Variants in ATP6V1C1 observed in about 807,000 individuals in gnomAD.
ATP6V1C1 encodes the protein ATPase H+ transporting V1 subunit C1.
A neutral mutation model predicts 53.9 loss-of-function variants in ATP6V1C1; 45 were observed. The observed-to-expected ratio is 0.83, with a 90% CI of 0.66 to 1.07. ATP6V1C1 has a LOEUF of 1.07. Ranked by LOEUF, ATP6V1C1 falls within the 50% of genes least tolerant of loss-of-function variation. The pLI is 0.00. For missense variants in ATP6V1C1, 315 were observed against 440.3 expected (o/e 0.72, Z 2.55); for synonymous variants, 153 against 155.2 (o/e 0.99, Z 0.11).
rs1414255672 is a variant in ATP6V1C1 at position 103,070,618 on chromosome 8, T to C, written c.*1871T>C. The C allele has an allele frequency of 6.6e-6, 1 of 152,264 alleles. No homozygotes were observed. Among genetic ancestry groups the C allele is most frequent in the African/African-American group, 2.4e-5 (1 of 41,468 alleles). The allele number at this position is 152,264 out of a possible 1,614,324, so 9.4% of individuals were successfully genotyped here. ...TTGACTTTTAAGAAAAACATGTCAC[T>C]AACCTGAAGCTCAGCCACACAGTGA... is the stretch of plus-strand genomic sequence containing the variant. On this transcript the variant is annotated 3_prime_UTR_variant, in exon 13 of 13. Transcript: ENST00000518738.
chr8:103,023,909 G>GTA (rs1200202141), intron 1 of ATP6V1C1, among the ~76,000 whole-genome samples: 1 of 151,560 alleles, frequency 6.6e-6, no homozygotes, highest in Non-Finnish European at 1.5e-5. Context: ...TTTTTTTGGG[G>GTA]GGGGGGAACT....
rs758705345 is a variant in ATP6V1C1 at position 103,040,927 on chromosome 8, A to G, written c.91A>G (p.Asn31Asp). 1.2e-5 allele frequency: 20 copies of G among 1,614,130 alleles called. No individual in the cohort carries two copies. Among genetic ancestry groups the G allele is most frequent in the Non-Finnish European group, 1.7e-5 (20 of 1,179,984 alleles). ...KLHAATSKNN[N>D]LAVTSKFNIP... is the part of the protein sequence containing the mutation. ...GCATGCGGCAACTTCAAAGAACAAT[A>G]ATCTTGCTGTCACTTCCAAGTTCAA... The change falls in exon 2 of 13, where the codon AAT becomes GAT. Residue 31 changes from asparagine (N) to aspartate (D), a missense_variant. Asn to Asp is a conservative substitution (Grantham distance 23). Transcript: ENST00000518738.
intron 3 of ATP6V1C1, among the ~76,000 whole-genome samples, chr8:103,043,815 A>G (rs1817045704): frequency 6.6e-6 from 1 of 152,198 alleles, no homozygotes; most frequent in Non-Finnish European, 1.5e-5. Context: ...TTCTTTATAC[A>G]GAATATGCAA....
At chr8:103,025,127 G>A (rs770053827) in intron 1 of ATP6V1C1, among the ~76,000 whole-genome samples, 22 of 152,084 alleles carry the variant, frequency 1.4e-4, no homozygotes, top group Non-Finnish European at 2.9e-4. Flanking sequence ...GAAAGGGATC[G>A]ATGGATCTTC....
chr8:103,056,201 G>C (rs1817286325), intron 8 of ATP6V1C1, among the ~76,000 whole-genome samples: 2 of 152,276 alleles, frequency 1.3e-5, no homozygotes, highest in Non-Finnish European at 1.5e-5. Context: ...TTGTGGCAGG[G>C]CTAGAACTAG....
intron 1 of ATP6V1C1, among the ~76,000 whole-genome samples, chr8:103,036,961 C>T (rs958599164): frequency 4.6e-5 from 7 of 152,136 alleles, no homozygotes; most frequent in African/African-American, 1.7e-4. Flanking sequence ...TCAATTTTTC[C>T]AGAAACCACG....
intron 3 of ATP6V1C1, among the ~76,000 whole-genome samples, chr8:103,046,901 G>A (rs901024811): frequency 2.6e-5 from 4 of 152,060 alleles, no homozygotes; most frequent in African/African-American, 9.7e-5. Context: ...TGAAGTTCTG[G>A]GTTATGCAAC....
At position 103,069,613 on chromosome 8, in the gene ATP6V1C1, T is replaced by G. The variant is rs1817551797; in HGVS notation, c.*866T>G. 1 of 151,212 alleles carries G rather than the reference T, an allele frequency of 6.6e-6. No homozygotes were observed. Among genetic ancestry groups the G allele is most frequent in the Admixed American group, 6.6e-5 (1 of 15,244 alleles). 9.4% of individuals were successfully genotyped at this position (151,212 alleles called of 1,614,324 possible). On this transcript the variant is annotated 3_prime_UTR_variant, in exon 13 of 13. Coordinates refer to ENST00000518738, the MANE Select transcript of ATP6V1C1 (RefSeq NM_001695.5). Reference sequence around the variant, plus strand: ...CTAAGTCTGTATTTTATGTGTTGTCTTCTTAAGATCTATAATTTTGGCATT... The same window carrying G: ...CTAAGTCTGTATTTTATGTGTTGTCGTCTTAAGATCTATAATTTTGGCATT...
intron 8 of ATP6V1C1, among the ~76,000 whole-genome samples, chr8:103,061,648 G>GT (rs1817400155): frequency 6.6e-6 from 1 of 152,140 alleles, no homozygotes; most frequent in East Asian, 1.9e-4. Context: ...GGGTATATGC[G>GT]TATGTCCACA....
At chr8:103,064,904 A>G (rs1586329131) in intron 11 of ATP6V1C1, 93 bp downstream of exon 11, 1 of 1,130,150 alleles carries the variant, frequency 8.8e-7, no homozygotes, top group South Asian at 1.7e-5. Context: ...GCAATAGGAA[A>G]TTGATTTGGA....
chr8:103,024,230 A>G (rs1166168457), intron 1 of ATP6V1C1, among the ~76,000 whole-genome samples: 2 of 152,210 alleles, frequency 1.3e-5, no homozygotes, highest in African/African-American at 2.4e-5. Context: ...AACAGTACTC[A>G]GGATCTAACT....
chr8:103,046,260 G>A (rs1268529791), intron 3 of ATP6V1C1, among the ~76,000 whole-genome samples: 1 of 151,888 alleles, frequency 6.6e-6, no homozygotes, highest in Non-Finnish European at 1.5e-5. Context: ...AGGCTAGAGT[G>A]CAGTGGTGCA....
intron 5 of ATP6V1C1, among the ~76,000 whole-genome samples, chr8:103,052,162 G>A (rs566428244): frequency 6.6e-6 from 1 of 152,066 alleles, no homozygotes; most frequent in Admixed American, 6.5e-5. Flanking sequence ...ACTTACCCTC[G>A]TGCTACACAG....
At chr8:103,036,687 T>G (rs1039587168) in intron 1 of ATP6V1C1, among the ~76,000 whole-genome samples, 5 of 152,196 alleles carry the variant, frequency 3.3e-5, no homozygotes, top group Non-Finnish European at 5.9e-5. Flanking sequence ...GGGTCCTCTT[T>G]CCTATTCCTT....
At chr8:103,026,020 G>A (rs1816688304) in intron 1 of ATP6V1C1, among the ~76,000 whole-genome samples, 1 of 152,254 alleles carries the variant, frequency 6.6e-6, no homozygotes, top group Admixed American at 6.5e-5. Flanking sequence ...TGGGAGCCAT[G>A]AGTGTAGATT....
At chr8:103,037,935 A>C (rs1004391189) in intron 1 of ATP6V1C1, among the ~76,000 whole-genome samples, 8 of 152,200 alleles carry the variant, frequency 5.3e-5, no homozygotes, top group Admixed American at 3.9e-4. Flanking sequence ...AGTTGTGGAA[A>C]TAGAAACTCT....
At chr8:103,032,964 A>C (rs1259466572) in intron 1 of ATP6V1C1, among the ~76,000 whole-genome samples, 1 of 152,244 alleles carries the variant, frequency 6.6e-6, no homozygotes. Flanking sequence ...TGAATGTATG[A>C]ACAGACTATA....
chr8:103,059,625 A>G (rs978373021), intron 8 of ATP6V1C1, among the ~76,000 whole-genome samples: 2 of 151,584 alleles, frequency 1.3e-5, no homozygotes, highest in African/African-American at 4.9e-5. Context: ...AGGTCAGAAA[A>G]TGGTCAAATA....
chr8:103,037,812 T>C (rs949365062), intron 1 of ATP6V1C1, among the ~76,000 whole-genome samples: 4 of 152,346 alleles, frequency 2.6e-5, no homozygotes, highest in South Asian at 2.1e-4. Flanking sequence ...ATTTGCCTGA[T>C]TTTTTAAATG....
Sources: allele counts gnomAD v4.1 joint callset (sites outside exome capture counted in the v4.1 genomes callset), GRCh38; gene constraint gnomAD v4.1.1; transcripts MANE v1.5; gene names NCBI Gene and HGNC (gene_info 2026-07-23, HGNC 2026-07-21).